The following TGM2 variants were observed in gnomAD, a reference collection of about 807,000 sequenced individuals.
The protein encoded by TGM2 is transglutaminase 2.
A neutral mutation model predicts 75.6 loss-of-function variants in TGM2; 53 were observed. The ratio of observed to expected loss-of-function variants is 0.70; its 90% CI spans 0.56 to 0.88. TGM2 has a LOEUF of 0.88. TGM2 is among the 40% of genes least tolerant of loss of function. TGM2 has a pLI of 0.00. For synonymous variants in TGM2, 374 were observed against 381.1 expected (o/e 0.98, Z 0.22); for missense variants, 842 against 928.5 (o/e 0.91, Z 1.21).
upstream of TGM2, among the ~76,000 whole-genome samples, chr20:38,166,903 A>G (rs1444662986): frequency 3.3e-5 from 5 of 152,126 alleles, no homozygotes; most frequent in African/African-American, 1.2e-4. Context: ...CGTGAGGAGA[A>G]TCACCCGACC....
At chr20:38,156,889 T>C (rs1182181684) in intron 2 of TGM2, among the ~76,000 whole-genome samples, 1 of 152,180 alleles carries the variant, frequency 6.6e-6, no homozygotes, top group Admixed American at 6.5e-5. Flanking sequence ...TAGCTCTCAG[T>C]TGTCTTCTAC....
chr20:38,129,967 C>T lies in TGM2; in HGVS notation c.*252G>A. 1.8e-6 allele frequency: 1 copy of T among 562,220 alleles called. No homozygotes were observed. Among genetic ancestry groups the T allele is most frequent in the South Asian group, 2.2e-5 (1 of 45,456 alleles). The allele number at this position is 562,220 out of a possible 1,614,324, so 34.8% of individuals were successfully genotyped here. A position where few individuals can be genotyped will look rare whatever the true frequency, so the allele number is the denominator to read the frequency against. On this transcript the variant is annotated 3_prime_UTR_variant, in exon 13 of 13. Coordinates refer to ENST00000361475, the MANE Select transcript of TGM2 (RefSeq NM_004613.4). ...AGGTCTTTCCTCTCTCACCCCAGCC[C>T]CAGTCAGCCAAGGTCAGGGCTCCCA...
intron 5 of TGM2, among the ~76,000 whole-genome samples, chr20:38,147,544 C>G (rs1347445473): frequency 2.6e-5 from 4 of 152,138 alleles, no homozygotes; most frequent in Admixed American, 1.3e-4. Flanking sequence ...GCTCTCACAC[C>G]TCGGGTTCCT....
rs371556098 is a variant in TGM2 at position 38,139,530 on chromosome 20, G to A, written c.1224C>T (p.Asp408=). 1.1e-5 allele frequency: 18 copies of A among 1,614,056 alleles called. No individual in the cohort carries two copies. The highest frequency in any genetic ancestry group is 9.3e-5 in the African/African-American group (7 of 74,918). The part of the protein sequence containing the change: ...NADVVDWIQQ[D]DGSVHKSINR... ...TGATGGATTTGTGCACAGACCCATC[G>A]TCCTGCTGGATCCAGTCTACCACGT... Residue 408 remains aspartate, a synonymous_variant, in exon 9 of 13, where the codon GAC becomes GAT. Transcript: ENST00000361475.
chr20:38,166,758 C>T (rs879779040), upstream of TGM2, among the ~76,000 whole-genome samples: 5 of 152,208 alleles, frequency 3.3e-5, no homozygotes, highest in Non-Finnish European at 7.3e-5. Flanking sequence ...CTGGGTCAAA[C>T]GGGCTCTGGC....
chr20:38,161,032 C>T (rs569767706), intron 2 of TGM2, among the ~76,000 whole-genome samples: 2 of 152,138 alleles, frequency 1.3e-5, no homozygotes, highest in African/African-American at 4.8e-5. Context: ...CTTGAACTCC[C>T]AACCTCAGGT....
At chr20:38,144,460 C>T (rs1045954037) in intron 6 of TGM2, among the ~76,000 whole-genome samples, 2 of 152,176 alleles carry the variant, frequency 1.3e-5, no homozygotes, top group African/African-American at 4.8e-5. Context: ...TCCATCAGTG[C>T]TGGCTGATTC....
At chr20:38,159,574 A>T (rs1367268639) in intron 2 of TGM2, among the ~76,000 whole-genome samples, 2 of 152,242 alleles carry the variant, frequency 1.3e-5, no homozygotes, top group Non-Finnish European at 2.9e-5. Context: ...TAGAAATCAC[A>T]GGCTGCCCAA....
chr20:38,161,860 C>T (rs980320197), intron 1 of TGM2, among the ~76,000 whole-genome samples: 3 of 152,178 alleles, frequency 2.0e-5, no homozygotes, highest in African/African-American at 4.8e-5. Flanking sequence ...GTGGTGTGAT[C>T]ATAGCTCACT....
intron 10 of TGM2, among the ~76,000 whole-genome samples, chr20:38,137,525 G>A (rs187019899): frequency 1.4e-4 from 22 of 152,318 alleles, no homozygotes; most frequent in East Asian, 1.3e-3. Context: ...CATTTCAAGC[G>A]CTTAGCAGCC....
intron 3 of TGM2, among the ~76,000 whole-genome samples, chr20:38,154,705 G>A (rs958635479): frequency 2.0e-5 from 3 of 152,190 alleles, no homozygotes; most frequent in African/African-American, 4.8e-5. Flanking sequence ...TAAGGAGGCA[G>A]CTGGACGGTC....
At position 38,147,976 on chromosome 20, in the gene TGM2, C is replaced by T; in HGVS notation, c.666G>A (p.Arg222=). 1.2e-6 allele frequency: 2 copies of T among 1,612,066 alleles called. No individual in the cohort carries two copies. The highest frequency in any genetic ancestry group is 1.7e-6 in the Non-Finnish European group (2 of 1,179,542). ...ACTCACTCACCATGCCACTCACCAC[C>T]CGGCCCACGTAGACGGGGCTGCTGC... ...SRRSSPVYVG[R]VVSGMVNCND... The change falls in exon 5 of 13, where the codon CGG becomes CGA. Residue 222 remains arginine (R), a synonymous_variant. Transcript: ENST00000361475.
chr20:38,150,538 A>G (rs748691458), intron 4 of TGM2, among the ~76,000 whole-genome samples: 21 of 152,206 alleles, frequency 1.4e-4, no homozygotes, highest in Non-Finnish European at 1.9e-4. Flanking sequence ...GATCCTGAGA[A>G]CCACTGATCT....
At chr20:38,157,917 A>G (rs940293990) in intron 2 of TGM2, among the ~76,000 whole-genome samples, 7 of 152,204 alleles carry the variant, frequency 4.6e-5, no homozygotes, top group African/African-American at 1.7e-4. Context: ...GATCGTGAGG[A>G]CTGGAGTGGA....
At chr20:38,165,945 G>A (rs2075306571), upstream of TGM2, among the ~76,000 whole-genome samples, 1 of 144,036 alleles carries the variant, frequency 6.9e-6, no homozygotes, top group Non-Finnish European at 1.6e-5. Context: ...CACAGCTGTG[G>A]ACACAGATGA....
At chr20:38,136,019 A>G (rs1426533404) in intron 10 of TGM2, among the ~76,000 whole-genome samples, 1 of 152,196 alleles carries the variant, frequency 6.6e-6, no homozygotes, top group Non-Finnish European at 1.5e-5. Flanking sequence ...CAGAGCTGAG[A>G]TTCAAAGCCA....
At chr20:38,141,163 TG>T (rs1300599980) in intron 8 of TGM2, 118 bp downstream of exon 8, 2 of 740,194 alleles carry the variant, frequency 2.7e-6, no homozygotes, top group Admixed American at 2.0e-5. Flanking sequence ...CACCCTTCTG[TG>T]GACCCATCAG....
rs1355532408 is a variant in TGM2, at chr20:38,128,085, A to G, written c.*2134T>C. The G allele has an allele frequency of 6.6e-6, 1 of 152,240 alleles. No homozygotes were observed. Among genetic ancestry groups the G allele is most frequent in the Non-Finnish European group, 1.5e-5 (1 of 68,062 alleles). 9.4% of individuals were successfully genotyped at this position (152,240 alleles called of 1,614,324 possible). On this transcript the variant is annotated 3_prime_UTR_variant, in exon 13 of 13. Coordinates refer to ENST00000361475, the MANE Select transcript of TGM2 (RefSeq NM_004613.4). ...TCCAGGACTCTGGGGACCCGAAAAGATATCAAGGAAGGTTTCACAGAAGAG... is the reference window on the plus strand; with the variant it reads ...TCCAGGACTCTGGGGACCCGAAAAGGTATCAAGGAAGGTTTCACAGAAGAG...
rs1364693570 is a variant in TGM2, at chr20:38,130,259, G to A, written c.2024C>T (p.Ala675Val). 1 of 1,613,460 alleles carries A rather than the reference G, an allele frequency of 6.2e-7. No individual in the cohort carries two copies. The highest frequency in any genetic ancestry group is 1.7e-5 in the Admixed American group (1 of 59,994). Residue 675 changes from alanine to valine, a missense_variant, in exon 13 of 13, where the codon GCT becomes GTT. Ala to Val is a moderately conservative substitution (Grantham distance 64). Coordinates refer to ENST00000361475, the MANE Select transcript of TGM2 (RefSeq NM_004613.4). ...GATGACATTCCGGAAGCCCTTCACAGCCTTCAGCTTGTCGCTCTCGAAGTT... is the reference window on the plus strand; with the variant it reads ...GATGACATTCCGGAAGCCCTTCACAACCTTCAGCTTGTCGCTCTCGAAGTT... ...VVNFESDKLK[A>V]VKGFRNVIIG... is the part of the protein sequence containing the mutation.
Sources: gnomAD v4.1 joint callset for allele counts (sites outside exome capture counted in the v4.1 genomes callset) on GRCh38, gnomAD v4.1.1 for gene constraint, MANE v1.5 for transcripts, NCBI Gene and HGNC (gene_info 2026-07-23, HGNC 2026-07-21) for gene names.